The following KATNAL2 variants were observed in gnomAD, a reference collection of about 807,000 sequenced individuals.
KATNAL2 encodes the protein katanin p60 ATPase-containing subunit A-like 2.
A neutral mutation model predicts 76.3 loss-of-function variants in KATNAL2; 52 were observed. The observed-to-expected ratio is 0.68, with a 90% CI of 0.55 to 0.86. The LOEUF is 0.86. Ranked by LOEUF, KATNAL2 falls within the 40% of genes least tolerant of loss-of-function variation. The pLI is 0.00. For missense variants in KATNAL2, 660 were observed against 668.9 expected (o/e 0.99, Z 0.15); for synonymous variants, 243 against 244.2 (o/e 1.00, Z 0.05).
At chr18:46,919,356 C>G (rs1440040846) in intron 1 of KATNAL2, among the ~76,000 whole-genome samples, 1 of 152,090 alleles carries the variant, frequency 6.6e-6, no homozygotes, top group East Asian at 1.9e-4. Context: ...CGTGGTGGCG[C>G]ATTCCTGTAA....
chr18:47,031,708 A>C (rs2060460524), intron 3 of KATNAL2, among the ~76,000 whole-genome samples: 1 of 151,820 alleles, frequency 6.6e-6, no homozygotes, highest in Non-Finnish European at 1.5e-5. Context: ...TTAACTCCTT[A>C]CCTTATGTGA....
At chr18:46,919,643 T>C (rs2058415922) in intron 1 of KATNAL2, among the ~76,000 whole-genome samples, 2 of 152,166 alleles carry the variant, frequency 1.3e-5, no homozygotes, top group African/African-American at 2.4e-5. Flanking sequence ...AGTGAGACTT[T>C]GTCTCAAAAA....
At chr18:47,060,629 T>G (rs1162048066) in intron 8 of KATNAL2, among the ~76,000 whole-genome samples, 1 of 152,226 alleles carries the variant, frequency 6.6e-6, no homozygotes, top group Non-Finnish European at 1.5e-5. Context: ...TTCTTCTTTC[T>G]TCAGCCAAGT....
intron 2 of KATNAL2, 52 bp from the exon 3 acceptor site, chr18:46,946,802 C>A: frequency 6.9e-7 from 1 of 1,459,430 alleles, no homozygotes; most frequent in Non-Finnish European, 9.3e-7. Flanking sequence ...GCGTCAGGTT[C>A]CTTGGATCGA....
At chr18:46,938,920 G>C (rs1568992510) in intron 1 of KATNAL2, among the ~76,000 whole-genome samples, 1 of 152,020 alleles carries the variant, frequency 6.6e-6, no homozygotes, top group Non-Finnish European at 1.5e-5. Context: ...TGTATTATGG[G>C]TATGATCAAT....
intron 3 of KATNAL2, among the ~76,000 whole-genome samples, chr18:46,953,084 C>T (rs758652011): frequency 2.0e-5 from 3 of 151,470 alleles, no homozygotes; most frequent in African/African-American, 4.9e-5. Context: ...TTAGTAGAGA[C>T]GGGGTTTCAC....
Position 47,100,351 on chromosome 18 carries a change from A to G in KATNAL2, c.1472A>G (p.Gln491Arg). The change falls in exon 17 of 18, where the codon CAG becomes CGG. Residue 491 changes from glutamine (Q) to arginine (R), a missense_variant. Physicochemically the swap from Gln to Arg is conservative, Grantham distance 43. Transcript: ENST00000683218. ...ATCTTTGATGCACTTGAAAATCACCAGTCAGGTATGGGTTGGATCACCATG... is the reference window on the plus strand; with the variant it reads ...ATCTTTGATGCACTTGAAAATCACCGGTCAGGTATGGGTTGGATCACCATG... ...RKIFDALENHQSESSDLPRIQ... is the reference protein window; with the variant it reads ...RKIFDALENHRSESSDLPRIQ... The G allele has an allele frequency of 6.2e-7, 1 of 1,612,868 alleles. No individual in the cohort carries two copies. The highest frequency in any genetic ancestry group is 8.5e-7 in the Non-Finnish European group (1 of 1,178,918).
Position 47,032,607 on chromosome 18 carries a change from G to A in KATNAL2, c.52-13850G>A, listed in dbSNP as rs1351555647. ...ACATTTTATGTATTCGGAGTTATCA[G>A]TGTCAACTAATGGCTTGTGTGTTTT... On this transcript the variant is annotated intron_variant, in intron 3 of 17. Coordinates refer to ENST00000683218, the MANE Select transcript of KATNAL2 (RefSeq NM_001387690.1). 3 of 281,148 alleles carry A rather than the reference G, an allele frequency of 1.1e-5. No individual in the cohort carries two copies. The East Asian group carries it at 2.9e-4, about 27-fold the overall frequency. 17.4% of individuals were successfully genotyped at this position (281,148 alleles called of 1,614,324 possible). A position where few individuals can be genotyped will look rare whatever the true frequency, so the allele number is the denominator to read the frequency against.
chr18:47,039,132 CTA>C (rs1354041384), intron 3 of KATNAL2, among the ~76,000 whole-genome samples: 1 of 152,086 alleles, frequency 6.6e-6, no homozygotes, highest in Non-Finnish European at 1.5e-5. Context: ...TTCAGTTAGA[CTA>C]TTTATTTTAT....
chr18:47,101,377 T>C lies in KATNAL2; in HGVS notation c.*372T>C. On this transcript the variant is annotated 3_prime_UTR_variant, in exon 18 of 18. Transcript: ENST00000683218. ...GTGTTGGCCACACACAGGATGACCC[T>C]GAGTTGGGGCAGCCAAGTAGAAGCT... 1 of 208,476 alleles carries C rather than the reference T, an allele frequency of 4.8e-6. No individual in the cohort carries two copies. The highest frequency in any genetic ancestry group is 8.2e-5 in the South Asian group (1 of 12,178). The allele number at this position is 208,476 out of a possible 1,614,324, so 12.9% of individuals were successfully genotyped here.
intron 3 of KATNAL2, among the ~76,000 whole-genome samples, chr18:47,026,179 A>AG (rs1379750790): frequency 8.0e-6 from 1 of 124,424 alleles, no homozygotes; most frequent in Non-Finnish European, 1.7e-5. Flanking sequence ...GGGAGTGGGG[A>AG]GGGGCTGCAC....
rs1329677769 is a variant in KATNAL2 at position 47,091,494 on chromosome 18, A to T, written c.1212-7749A>T. Among the ~76,000 whole-genome samples, 3 of 152,184 alleles carry T rather than the reference A, an allele frequency of 2.0e-5. No homozygotes were observed. The East Asian group carries it at 5.8e-4, about 29-fold the overall frequency. ...GTGCTTTCTGGTTGCCACAGGTTAA[A>T]TTTTTTTATATAAATATATTGGCAT... On this transcript the variant is annotated intron_variant, in intron 15 of 17. Coordinates refer to ENST00000683218, the MANE Select transcript of KATNAL2 (RefSeq NM_001387690.1).
chr18:47,067,317 A>G (rs1353024018), intron 11 of KATNAL2, among the ~76,000 whole-genome samples, 198 bp downstream of exon 11: 1 of 152,174 alleles, frequency 6.6e-6, no homozygotes, highest in Non-Finnish European at 1.5e-5. Context: ...CATATTACAT[A>G]TTAGTTCAAG....
At chr18:47,100,227 C>T in intron 16 of KATNAL2, 27 bp from the exon 17 acceptor site, 1 of 1,559,464 alleles carries the variant, frequency 6.4e-7, no homozygotes. Context: ...GCCCACTGAC[C>T]AATGGCTGGT....
intron 1 of KATNAL2, among the ~76,000 whole-genome samples, chr18:46,936,078 G>C (rs10853546): frequency 0.99 from 150,428 of 152,314 alleles, 74,287 homozygotes; most frequent in East Asian, 1. Context: ...CTCAGTGTAT[G>C]ATACAGAACC....
chr18:46,934,577 A>T (rs2059033030), intron 1 of KATNAL2, among the ~76,000 whole-genome samples: 1 of 151,792 alleles, frequency 6.6e-6, no homozygotes, highest in South Asian at 2.1e-4. Context: ...GGTTGCAAAA[A>T]TTTTCTCCCA....
intron 4 of KATNAL2, among the ~76,000 whole-genome samples, chr18:47,051,512 T>C (rs2061341319): frequency 1.3e-5 from 2 of 152,200 alleles, no homozygotes; most frequent in Non-Finnish European, 2.9e-5. Context: ...AATTTTCTTT[T>C]GATTTACCAG....
At chr18:46,949,628 C>T (rs2059490335) in intron 3 of KATNAL2, among the ~76,000 whole-genome samples, 1 of 152,218 alleles carries the variant, frequency 6.6e-6, no homozygotes, top group Admixed American at 6.5e-5. Context: ...CCCAGTGAAA[C>T]CACCATTCAT....
At chr18:46,957,980 G>C (rs932184420) in intron 3 of KATNAL2, among the ~76,000 whole-genome samples, 6 of 151,904 alleles carry the variant, frequency 3.9e-5, no homozygotes, top group Non-Finnish European at 7.4e-5. Flanking sequence ...ACAGGTGTGA[G>C]CCACCGCACC....
Sources: gnomAD v4.1 joint callset for allele counts (sites outside exome capture counted in the v4.1 genomes callset) on GRCh38, gnomAD v4.1.1 for gene constraint, MANE v1.5 for transcripts, NCBI Gene and HGNC (gene_info 2026-07-23, HGNC 2026-07-21) for gene names.